Variants in DPYD observed in about 807,000 individuals in gnomAD.
The protein encoded by DPYD is dihydropyrimidine dehydrogenase [NADP(+)].
A neutral mutation model predicts 116.2 loss-of-function variants in DPYD; 109 were observed. That is an observed-to-expected ratio of 0.94 (90% confidence interval 0.80 to 1.10). The LOEUF is 1.10. DPYD is among the 50% of genes least tolerant of loss of function. The probability of loss-of-function intolerance (pLI) is 0.00; values close to 1 mark genes in which losing one functional copy is unlikely to be tolerated. For missense variants in DPYD, 1,302 were observed against 1,254.5 expected, an observed-to-expected ratio of 1.04 and a Z score of -0.57; for synonymous variants, 440 against 432.0, an observed-to-expected ratio of 1.02 and a Z score of -0.23.
intron 13 of DPYD, among the ~76,000 whole-genome samples, chr1:97,458,836 A>T (rs1570766191): frequency 6.6e-6 from 1 of 152,310 alleles, no homozygotes; most frequent in African/African-American, 2.4e-5. Context: ...GTCCTTAGAT[A>T]ACTAGTAAAA....
intron 15 of DPYD, among the ~76,000 whole-genome samples, chr1:97,377,607 C>A (rs1049729108): frequency 6.6e-6 from 1 of 152,144 alleles, no homozygotes; most frequent in African/African-American, 2.4e-5. Context: ...ATAAAAACAC[C>A]CAGAGAAACT....
At chr1:97,387,109 C>T (rs1672392181) in intron 14 of DPYD, among the ~76,000 whole-genome samples, 1 of 152,032 alleles carries the variant, frequency 6.6e-6, no homozygotes, top group Non-Finnish European at 1.5e-5. Flanking sequence ...TATGCCATTT[C>T]TAGTGCTCAA....
chr1:97,473,039 T>A (rs143241544), intron 13 of DPYD, among the ~76,000 whole-genome samples: 111 of 152,290 alleles, frequency 7.3e-4, no homozygotes, highest in African/African-American at 2.6e-3. Flanking sequence ...GCCATTATAG[T>A]CACCATCCTG....
intron 20 of DPYD, among the ~76,000 whole-genome samples, chr1:97,192,485 G>C (rs1658443986): frequency 6.6e-6 from 1 of 152,064 alleles, no homozygotes; most frequent in Admixed American, 6.6e-5. Flanking sequence ...GAAATACAAA[G>C]GCAAAATGCT....
At chr1:97,278,087 G>A (rs771598517) in intron 18 of DPYD, among the ~76,000 whole-genome samples, 19 of 152,262 alleles carry the variant, frequency 1.2e-4, no homozygotes, top group Non-Finnish European at 2.8e-4. Context: ...AGTGTTTACT[G>A]TCAATTCATC....
intron 14 of DPYD, among the ~76,000 whole-genome samples, chr1:97,433,273 T>A (rs749715516): frequency 3.9e-5 from 6 of 152,116 alleles, no homozygotes; most frequent in Non-Finnish European, 7.4e-5. Flanking sequence ...TGGTTGACAA[T>A]TCAGTGAAGT....
At chr1:97,187,644 C>T (rs923690520) in intron 20 of DPYD, among the ~76,000 whole-genome samples, 1 of 151,968 alleles carries the variant, frequency 6.6e-6, no homozygotes, top group African/African-American at 2.4e-5. Flanking sequence ...TTATTTTTGC[C>T]TAGACTCATG....
At chr1:97,866,972 G>A (rs910638094) in intron 2 of DPYD, among the ~76,000 whole-genome samples, 14 of 151,740 alleles carry the variant, frequency 9.2e-5, no homozygotes, top group Non-Finnish European at 1.9e-4. Context: ...AATAGGACCA[G>A]GTTTTATTCT....
chr1:97,289,184 G>A (rs1570436957), intron 18 of DPYD, among the ~76,000 whole-genome samples: 1 of 152,060 alleles, frequency 6.6e-6, no homozygotes, highest in East Asian at 1.9e-4. Context: ...CTGAAATTGT[G>A]GCAATAATCA....
chr1:97,529,664 T>C (rs1055835754), intron 12 of DPYD, among the ~76,000 whole-genome samples: 7 of 150,240 alleles, frequency 4.7e-5, no homozygotes, highest in African/African-American at 1.7e-4. Flanking sequence ...TTCCTTTTTT[T>C]CTTTTCTCTT....
At chr1:97,680,187 T>C (rs1660359233) in intron 7 of DPYD, among the ~76,000 whole-genome samples, 1 of 152,122 alleles carries the variant, frequency 6.6e-6, no homozygotes, top group African/African-American at 2.4e-5. Context: ...ATTGGGTCTC[T>C]GGTCTGTGAA....
At chr1:97,634,940 G>A (rs1212980188) in intron 8 of DPYD, among the ~76,000 whole-genome samples, 8 of 151,010 alleles carry the variant, frequency 5.3e-5, no homozygotes, top group Non-Finnish European at 1.2e-4. Flanking sequence ...TAGAGACAAA[G>A]CCTTTCAATC....
At chr1:97,881,071 G>T (rs1256461701) in intron 2 of DPYD, among the ~76,000 whole-genome samples, 1 of 152,002 alleles carries the variant, frequency 6.6e-6, no homozygotes, top group South Asian at 2.1e-4. Flanking sequence ...AATTACTGGT[G>T]CAAGTGTTTG....
chr1:97,654,882 C>A (rs2100851439), intron 8 of DPYD, among the ~76,000 whole-genome samples: 1 of 152,144 alleles, frequency 6.6e-6, no homozygotes, highest in South Asian at 2.1e-4. Flanking sequence ...CAATCAGCAG[C>A]AGATGAAAAG....
intron 2 of DPYD, among the ~76,000 whole-genome samples, chr1:97,852,133 C>T (rs540664882): frequency 1.3e-5 from 2 of 151,920 alleles, no homozygotes; most frequent in South Asian, 2.1e-4. Context: ...CAAGGACCAG[C>T]ACTAGGAAAT....
At chr1:97,782,273 T>A (rs944740499) in intron 3 of DPYD, among the ~76,000 whole-genome samples, 5 of 152,232 alleles carry the variant, frequency 3.3e-5, no homozygotes, top group African/African-American at 1.2e-4. Flanking sequence ...GGCGCAGAGC[T>A]ACCAGCCTAA....
intron 20 of DPYD, among the ~76,000 whole-genome samples, chr1:97,119,822 T>C (rs1652282613): frequency 6.6e-6 from 1 of 152,184 alleles, no homozygotes; most frequent in African/African-American, 2.4e-5. Context: ...GATATTTCAA[T>C]TTATTCGTGG....
intron 8 of DPYD, among the ~76,000 whole-genome samples, chr1:97,609,479 C>T (rs374795143): frequency 4.6e-5 from 7 of 151,922 alleles, no homozygotes; most frequent in East Asian, 3.9e-4. Flanking sequence ...TAAAACTTTG[C>T]ATTTGTAAAG....
intron 8 of DPYD, among the ~76,000 whole-genome samples, chr1:97,596,087 A>G (rs1571027841): frequency 6.6e-6 from 1 of 152,178 alleles, no homozygotes; most frequent in East Asian, 1.9e-4. Context: ...AAAGAGGAAA[A>G]TAAGATGAGA....
Sources: allele counts gnomAD v4.1 joint callset (sites outside exome capture counted in the v4.1 genomes callset), GRCh38; gene constraint gnomAD v4.1.1; transcripts MANE v1.5; gene names NCBI Gene and HGNC (gene_info 2026-07-23, HGNC 2026-07-21).